Variants in FUBP3 observed in about 807,000 individuals in gnomAD.
FUBP3 encodes far upstream element-binding protein 3.
FUBP3 carries 28 observed loss-of-function variants against 85.6 expected under a neutral mutation model. The observed-to-expected ratio is 0.33, with a 90% CI of 0.24 to 0.45. The LOEUF is 0.45. Among genes scored for constraint, FUBP3 ranks in the 20% least tolerant of loss-of-function variants. The pLI, the probability that FUBP3 is intolerant of heterozygous loss-of-function variation, is 1.00. For synonymous variants in FUBP3, 271 were observed against 271.4 expected, an observed-to-expected ratio of 1.00 and a Z score of 0.01; for missense variants, 583 against 755.1, an observed-to-expected ratio of 0.77 and a Z score of 2.67.
chr9:130,595,343 G>T, intron 1 of FUBP3, 140 bp from the exon 2 acceptor site: 1 of 569,850 alleles, frequency 1.8e-6, no homozygotes, highest in Non-Finnish European at 3.2e-6. Context: ...AAAAGTATTT[G>T]TGCTCTTGCG....
chr9:130,637,118 G>T lies in FUBP3; in HGVS notation c.*96G>T, dbSNP rs947974637. The T allele has an allele frequency of 6.0e-6, 6 of 998,016 alleles. No individual in the cohort carries two copies. The highest frequency in any genetic ancestry group is 1.7e-5 in the Admixed American group (1 of 58,610). The allele number at this position is 998,016 out of a possible 1,614,324, so 61.8% of individuals were successfully genotyped here. ...TTACATTTGCAAACCTTTTGATGAA[G>T]AACTGTTGTTTTGTTCTGTGAAACA... On this transcript the variant is annotated 3_prime_UTR_variant, in exon 19 of 19. Coordinates refer to ENST00000319725, the MANE Select transcript of FUBP3 (RefSeq NM_003934.2).
chr9:130,601,801 A>ATTTTTTTTTTTT lies in FUBP3; in HGVS notation c.190+6220_190+6231dup, dbSNP rs113638192. On this transcript the variant is annotated intron_variant, in intron 2 of 18. Coordinates refer to ENST00000319725, the MANE Select transcript of FUBP3 (RefSeq NM_003934.2). The stretch of plus-strand genomic sequence containing the variant: ...ATGGAAATTTTAGAAATAATTCCTA[A>ATTTTTTTTTTTT]TTTTTTTTTTTTTTTTTTGAGATGG... Among the ~76,000 whole-genome samples, 13 of 117,364 alleles carry ATTTTTTTTTTTT rather than the reference A, an allele frequency of 1.1e-4. 1 individual carries two copies. Among genetic ancestry groups the ATTTTTTTTTTTT allele is most frequent in the South Asian group, 2.8e-4 (1 of 3,636 alleles). 77.0% of individuals were successfully genotyped at this position (117,364 alleles called of 152,430 possible).
At chr9:130,580,481 A>T (rs946915458) in intron 1 of FUBP3, among the ~76,000 whole-genome samples, 30 of 152,244 alleles carry the variant, frequency 2.0e-4, no homozygotes, top group Admixed American at 1.4e-3. Context: ...GGCTTCTGGC[A>T]TGGTACTTAG....
At chr9:130,617,953 A>G in intron 8 of FUBP3, 58 bp downstream of exon 8, 1 of 758,938 alleles carries the variant, frequency 1.3e-6, no homozygotes, top group South Asian at 1.7e-5. Flanking sequence ...ACTCGGTGGT[A>G]CCCTAGAGCT....
At chr9:130,604,291 G>T (rs547606556) in intron 2 of FUBP3, among the ~76,000 whole-genome samples, 1 of 152,194 alleles carries the variant, frequency 6.6e-6, no homozygotes, top group Non-Finnish European at 1.5e-5. Flanking sequence ...TATTGTTGTA[G>T]ATAAGGAAAC....
At chr9:130,606,796 G>A (rs1831480083) in intron 2 of FUBP3, among the ~76,000 whole-genome samples, 1 of 151,896 alleles carries the variant, frequency 6.6e-6, no homozygotes, top group South Asian at 2.1e-4. Context: ...CTCCAGCCTG[G>A]GCAAGAAGAG....
rs756320673 is a variant in FUBP3, at chr9:130,623,588, C to T, written c.875-23C>T. 11 of 1,486,026 alleles carry T rather than the reference C, an allele frequency of 7.4e-6. No homozygotes were observed. The South Asian group carries it at 1.1e-4, about 15-fold the overall frequency. The allele number at this position is 1,486,026 out of a possible 1,614,324, so 92.1% of individuals were successfully genotyped here. A position where few individuals can be genotyped will look rare whatever the true frequency, so the allele number is the denominator to read the frequency against. ...TCTAACGTTGGGCTTTTTTCTAATC[C>T]TGTCTCTCACCTGGCTCCTCAGATG... On this transcript the variant is annotated intron_variant, in intron 10 of 18. Coordinates refer to ENST00000319725, the MANE Select transcript of FUBP3 (RefSeq NM_003934.2).
At chr9:130,634,552 C>A (rs565982349) in intron 16 of FUBP3, 115 bp from the exon 17 acceptor site, 1 of 742,750 alleles carries the variant, frequency 1.3e-6, no homozygotes, top group East Asian at 2.7e-5. Context: ...GCTGCGGAGC[C>A]GTGTGTGGCC....
chr9:130,623,091 T>C (rs1036322154), intron 10 of FUBP3, among the ~76,000 whole-genome samples: 2 of 152,194 alleles, frequency 1.3e-5, no homozygotes, highest in Non-Finnish European at 2.9e-5. Context: ...ATGCATAGTA[T>C]GTCAGCTTCT....
rs565891035 is a variant in FUBP3, at chr9:130,635,087, T to G, written c.1582+349T>G. ...TGAAAGATTCCGGCTGGGTGCCACC[T>G]GGCCGGCAAACAGACCAACCAGACA... On this transcript the variant is annotated intron_variant, in intron 17 of 18. Transcript: ENST00000319725. The surrounding 1 kb of genome is among the most constrained non-coding windows in gnomAD (Gnocchi z 4.3). Among the ~76,000 whole-genome samples the G allele has an allele frequency of 2.6e-5, 4 of 152,304 alleles. No individual in the cohort carries two copies. The South Asian group carries it at 8.3e-4, about 32-fold the overall frequency.
Position 130,612,811 on chromosome 9 carries a change from A to G in FUBP3, c.275-145A>G, listed in dbSNP as rs546578011. 90 of 649,394 alleles carry G rather than the reference A, an allele frequency of 1.4e-4. No homozygotes were observed. The African/African-American group carries it at 1.5e-3, about 11-fold the overall frequency. 40.2% of individuals were successfully genotyped at this position (649,394 alleles called of 1,614,324 possible). A position where few individuals can be genotyped will look rare whatever the true frequency, so the allele number is the denominator to read the frequency against. On this transcript the variant is annotated intron_variant, in intron 4 of 18. Coordinates refer to ENST00000319725, the MANE Select transcript of FUBP3 (RefSeq NM_003934.2). The surrounding 1 kb of genome is among the most constrained non-coding windows in gnomAD (Gnocchi z 4.1). ...GGGCTTTCTGCTGCCATCATGCCCA[A>G]AGAGTGGAGATGGGCTCACGGGGGC...
At chr9:130,583,261 TCA>T (rs1418299816) in intron 1 of FUBP3, among the ~76,000 whole-genome samples, 3 of 152,234 alleles carry the variant, frequency 2.0e-5, no homozygotes, top group Non-Finnish European at 4.4e-5. Context: ...TGCTGCTGTT[TCA>T]CAGTTTAAGC....
At chr9:130,591,533 AAG>A (rs2119018491) in intron 1 of FUBP3, among the ~76,000 whole-genome samples, 1 of 152,348 alleles carries the variant, frequency 6.6e-6, no homozygotes, top group South Asian at 2.1e-4. Context: ...TGGAAGAATG[AAG>A]GAGTATATTG....
chr9:130,619,736 G>A (rs971133839), intron 8 of FUBP3, among the ~76,000 whole-genome samples: 1 of 152,202 alleles, frequency 6.6e-6, no homozygotes, highest in African/African-American at 2.4e-5. Context: ...GTGTTTTGGG[G>A]AGAAGAACAC....
Position 130,634,651 on chromosome 9 carries a change from T to C in FUBP3, c.1511-16T>C, listed in dbSNP as rs750796325. On this transcript the variant is annotated splice_polypyrimidine_tract_variant and intron_variant, in intron 16 of 18. Transcript: ENST00000319725. Reference sequence around the variant, plus strand: ...GGAGCCCGTAAGGCCTGACTGCTTTTGTGTTCTTCGCACAGGCCAGCAGAG... The same window carrying C: ...GGAGCCCGTAAGGCCTGACTGCTTTCGTGTTCTTCGCACAGGCCAGCAGAG... The C allele has an allele frequency of 6.2e-7, 1 of 1,611,388 alleles. No homozygotes were observed. Among genetic ancestry groups the C allele is most frequent in the Non-Finnish European group, 8.5e-7 (1 of 1,179,078 alleles).
At position 130,614,790 on chromosome 9, in the gene FUBP3, C is replaced by T. The variant is rs118058291; in HGVS notation, c.404+445C>T. On this transcript the variant is annotated intron_variant, in intron 6 of 18. Coordinates refer to ENST00000319725, the MANE Select transcript of FUBP3 (RefSeq NM_003934.2). ...TTGTGAACCAAATGAATCAACTCTT[C>T]GTGACTTTGCTCTACTCAGAGGGCC... Among the ~76,000 whole-genome samples, 214 of 152,288 alleles carry T rather than the reference C, an allele frequency of 1.4e-3. 1 individual carries two copies. Among genetic ancestry groups the T allele is most frequent in the Admixed American group, 5.4e-3 (83 of 15,300 alleles).
At chr9:130,604,750 T>C (rs1831333596) in intron 2 of FUBP3, among the ~76,000 whole-genome samples, 1 of 151,988 alleles carries the variant, frequency 6.6e-6, no homozygotes. Context: ...ACAAAAAAAT[T>C]AGCTGGGCAT....
chr9:130,607,611 G>A (rs773568707), intron 2 of FUBP3, among the ~76,000 whole-genome samples: 10 of 152,244 alleles, frequency 6.6e-5, no homozygotes, highest in East Asian at 1.9e-4. Flanking sequence ...TCCTCATTGC[G>A]AAGACTGAGG....
intron 1 of FUBP3, among the ~76,000 whole-genome samples, chr9:130,593,752 A>G (rs977827815): frequency 2.6e-5 from 4 of 152,340 alleles, no homozygotes; most frequent in South Asian, 2.1e-4. Flanking sequence ...GCTGCCCCCA[A>G]TAGACCCCTG....
Sources: allele counts gnomAD v4.1 joint callset (sites outside exome capture counted in the v4.1 genomes callset), GRCh38; gene constraint gnomAD v4.1.1; non-coding constraint Gnocchi (gnomAD v3.1); transcripts MANE v1.5; gene names NCBI Gene and HGNC (gene_info 2026-07-23, HGNC 2026-07-21).